Variants in GOLM2 observed in about 807,000 individuals in gnomAD.
The protein encoded by GOLM2 is protein GOLM2.
GOLM2 carries 26 observed loss-of-function variants against 55.9 expected under a neutral mutation model. The ratio of observed to expected loss-of-function variants is 0.47; its 90% CI spans 0.34 to 0.65. The LOEUF is 0.65. GOLM2 is among the 30% of genes least tolerant of loss of function. The probability of loss-of-function intolerance (pLI) is 0.01; values close to 1 mark genes in which losing one functional copy is unlikely to be tolerated. For missense variants in GOLM2, 486 were observed against 531.8 expected, an observed-to-expected ratio of 0.91 and a Z score of 0.85; for synonymous variants, 165 against 194.6, an observed-to-expected ratio of 0.85 and a Z score of 1.27.
intron 6 of GOLM2, among the ~76,000 whole-genome samples, chr15:44,366,684 G>A (rs1371460623): frequency 6.6e-6 from 1 of 151,826 alleles, no homozygotes; most frequent in African/African-American, 2.4e-5. Flanking sequence ...TGTGTGAGAG[G>A]AGGAAAAAAG....
Position 44,289,471 on chromosome 15 carries a change from G to A in GOLM2, c.327+115G>A. The A allele has an allele frequency of 1.0e-6, 1 of 970,856 alleles. No homozygotes were observed. The highest frequency in any genetic ancestry group is 1.5e-6 in the Non-Finnish European group (1 of 667,620). 60.1% of individuals were successfully genotyped at this position (970,856 alleles called of 1,614,324 possible). On this transcript the variant is annotated intron_variant, in intron 1 of 9. Transcript: ENST00000299957. This position sits in a 1 kb window ranked among gnomAD's most constrained non-coding sequence, Gnocchi z 4.8. ...TGCCTTCCAGTATTTCAGTCCTGAA[G>A]GCTCCTTTCACCCCCAACAACCCTG...
At chr15:44,366,310 AAAAAC>A (rs1555424782) in intron 6 of GOLM2, among the ~76,000 whole-genome samples, 4 of 150,534 alleles carry the variant, frequency 2.7e-5, no homozygotes, top group Admixed American at 2.6e-4. Flanking sequence ...AAAAAAAAAA[AAAAAC>A]AAAACAAACA....
In GOLM2 at chr15:44,358,987, G is replaced by A. The variant is rs528203597; in HGVS notation, c.802+20670G>A. Among the ~76,000 whole-genome samples, 12 of 149,800 alleles carry A rather than the reference G, an allele frequency of 8.0e-5. No individual in the cohort carries two copies. The South Asian group carries it at 1.1e-3, about 13-fold the overall frequency. ...CTGGCTAACATGGTGAAACCCCATC[G>A]CCACTAAAAATACAAAAAAATTAGC... On this transcript the variant is annotated intron_variant, in intron 6 of 9. Coordinates refer to ENST00000299957, the MANE Select transcript of GOLM2 (RefSeq NM_138423.4).
At chr15:44,379,385 G>A (rs1403899362) in intron 6 of GOLM2, among the ~76,000 whole-genome samples, 1 of 152,028 alleles carries the variant, frequency 6.6e-6, no homozygotes, top group East Asian at 1.9e-4. Context: ...GCTGAGGCAG[G>A]GAGAATCGCT....
At chr15:44,348,671 G>A (rs1423466954) in intron 6 of GOLM2, 1 of 152,206 alleles carries the variant, frequency 6.6e-6, no homozygotes, top group South Asian at 2.1e-4. Flanking sequence ...AAACATATGT[G>A]GTAGCCAGGT....
At chr15:44,296,081 C>T (rs866375387) in intron 1 of GOLM2, among the ~76,000 whole-genome samples, 4 of 152,114 alleles carry the variant, frequency 2.6e-5, no homozygotes, top group Admixed American at 1.3e-4. Flanking sequence ...ACTACATTGC[C>T]CAGGCTAGAA....
intron 6 of GOLM2, among the ~76,000 whole-genome samples, chr15:44,369,991 G>T (rs2079319511): frequency 6.6e-6 from 1 of 152,162 alleles, no homozygotes; most frequent in Non-Finnish European, 1.5e-5. Context: ...CAAAACTAAA[G>T]AATTTGGAGT....
At chr15:44,361,106 G>T (rs1261541818) in intron 6 of GOLM2, among the ~76,000 whole-genome samples, 1 of 149,990 alleles carries the variant, frequency 6.7e-6, no homozygotes. Context: ...AAGCAGGAAA[G>T]ATCCAAAATT....
intron 1 of GOLM2, among the ~76,000 whole-genome samples, chr15:44,291,396 T>A (rs2078719989): frequency 6.6e-6 from 1 of 152,220 alleles, no homozygotes; most frequent in African/African-American, 2.4e-5. Flanking sequence ...CCAACCCATT[T>A]GTTTTTTCAC....
chr15:44,330,436 C>T (rs955073243), intron 3 of GOLM2, among the ~76,000 whole-genome samples: 5 of 149,046 alleles, frequency 3.4e-5, no homozygotes, highest in Admixed American at 6.7e-5. Flanking sequence ...TTGCTTGAAC[C>T]TGGGAGGCAG....
At chr15:44,298,115 C>T (rs1445882029) in intron 1 of GOLM2, among the ~76,000 whole-genome samples, 1 of 151,674 alleles carries the variant, frequency 6.6e-6, no homozygotes, top group Non-Finnish European at 1.5e-5. Context: ...GTGAACCGTC[C>T]ACCTTGACCT....
intron 1 of GOLM2, among the ~76,000 whole-genome samples, chr15:44,315,878 C>A (rs941570892): frequency 2.6e-5 from 4 of 152,088 alleles, no homozygotes; most frequent in African/African-American, 9.7e-5. Context: ...CAAAAGAAAC[C>A]TTGAAGAATA....
At chr15:44,384,513 G>C (rs1296890179) in intron 8 of GOLM2, among the ~76,000 whole-genome samples, 4 of 152,134 alleles carry the variant, frequency 2.6e-5, no homozygotes, top group African/African-American at 7.2e-5. Context: ...TTGGGAGGCT[G>C]AGGCGGGCAG....
chr15:44,403,696 C>A (rs1422041275), intron 9 of GOLM2, among the ~76,000 whole-genome samples: 3 of 152,052 alleles, frequency 2.0e-5, no homozygotes, highest in Non-Finnish European at 2.9e-5. Flanking sequence ...CTAGAAAATA[C>A]ACTTTTCCAA....
chr15:44,359,020 G>C (rs1397263137), intron 6 of GOLM2, among the ~76,000 whole-genome samples: 1 of 151,768 alleles, frequency 6.6e-6, no homozygotes, highest in Admixed American at 6.6e-5. Context: ...AGCTGGGCGT[G>C]GTGCCGGGCG....
intron 1 of GOLM2, among the ~76,000 whole-genome samples, chr15:44,303,025 C>G (rs2078809932): frequency 6.6e-6 from 1 of 151,972 alleles, no homozygotes; most frequent in Non-Finnish European, 1.5e-5. Context: ...ATCAATTGAA[C>G]CTGGGAGGCA....
chr15:44,401,555 A>G (rs1319296168), intron 8 of GOLM2, among the ~76,000 whole-genome samples: 1 of 152,084 alleles, frequency 6.6e-6, no homozygotes, highest in Non-Finnish European at 1.5e-5. Context: ...CCCAGCCTGC[A>G]ATATAAATTT....
At chr15:44,321,486 G>T (rs1337429467) in intron 1 of GOLM2, among the ~76,000 whole-genome samples, 4 of 147,686 alleles carry the variant, frequency 2.7e-5, no homozygotes, top group Non-Finnish European at 5.9e-5. Flanking sequence ...AAAAAAAAAG[G>T]GGGGGTGGGG....
rs141596552 is a variant in GOLM2 at position 44,330,876 on chromosome 15, C to G, written c.486-1112C>G. Among the ~76,000 whole-genome samples the G allele has an allele frequency of 2.8e-4, 42 of 152,234 alleles. 2 individuals are homozygous for G. In the East Asian group the frequency reaches 7.9e-3, roughly 29 times the overall value. ...AAGGTTGCTTTCTAAAATGATTGTA[C>G]TCATTTATAATGTAGACATTTCCCC... is the stretch of plus-strand genomic sequence containing the variant. On this transcript the variant is annotated intron_variant, in intron 3 of 9. Transcript: ENST00000299957.
Sources: gnomAD v4.1 joint callset for allele counts (sites outside exome capture counted in the v4.1 genomes callset) on GRCh38, gnomAD v4.1.1 for gene constraint, Gnocchi (gnomAD v3.1) non-coding constraint, MANE v1.5 for transcripts, NCBI Gene and HGNC (gene_info 2026-07-23, HGNC 2026-07-21) for gene names.